Variants in PFKFB3 observed in about 807,000 individuals in gnomAD.
PFKFB3 encodes the protein 6-phosphofructo-2-kinase/fructose-2,6-bisphosphatase 3.
PFKFB3 carries 33 observed loss-of-function variants against 68.0 expected under a neutral mutation model. That is an observed-to-expected ratio of 0.49 (90% CI 0.37 to 0.65). PFKFB3 has a LOEUF of 0.65. Ranked by LOEUF, PFKFB3 falls within the 30% of genes least tolerant of loss-of-function variation. PFKFB3 has a pLI of 0.00. For synonymous variants in PFKFB3, 315 were observed against 288.2 expected, an observed-to-expected ratio of 1.09 and a Z score of -0.94; for missense variants, 586 against 712.2, an observed-to-expected ratio of 0.82 and a Z score of 2.02.
At chr10:6,300,523 T>C in the PFKFB3 span, among the ~76,000 whole-genome samples, 2 of 152,160 alleles carry the variant, frequency 1.3e-5, no homozygotes, top group Non-Finnish European at 2.9e-5. Flanking sequence ...CCTTGAAAAG[T>C]CAAAGCCAGC....
chr10:6,232,247 C>CG (rs1845794384), intron 14 of PFKFB3, among the ~76,000 whole-genome samples: 1 of 28,498 alleles, frequency 3.5e-5, no homozygotes, highest in Non-Finnish European at 6.4e-5. Flanking sequence ...TGTTTTTTTG[C>CG]GGGGGGTGGG....
intron 1 of PFKFB3, among the ~76,000 whole-genome samples, chr10:6,177,431 T>TTCC (rs1166118918): frequency 2.5e-5 from 1 of 40,754 alleles, no homozygotes; most frequent in African/African-American, 6.4e-5. Flanking sequence ...CTTCCTTTCT[T>TTCC]TTCTTTCTCT....
At chr10:6,170,867 TA>T (rs200650322) in intron 1 of PFKFB3, among the ~76,000 whole-genome samples, 1,653 of 147,658 alleles carry the variant, frequency 0.011, 70 homozygotes, top group East Asian at 0.1. Context: ...GATTAAAGGT[TA>T]AAAAAAAAAG....
downstream of PFKFB3, among the ~76,000 whole-genome samples, chr10:6,235,894 G>A (rs956611134): frequency 1.1e-4 from 16 of 151,650 alleles, no homozygotes; most frequent in Non-Finnish European, 1.8e-4. Flanking sequence ...AGCCTCCCTA[G>A]TAGCTGGGAT....
chr10:6,160,718 C>CA (rs538580465), intron 1 of PFKFB3, among the ~76,000 whole-genome samples: 49,591 of 78,244 alleles, frequency 0.63, 16,520 homozygotes, highest in Middle Eastern at 0.68. Flanking sequence ...GACTCTGTCT[C>CA]AAAAAAAAAA....
chr10:6,148,898 C>T (rs1436370029), intron 1 of PFKFB3, among the ~76,000 whole-genome samples: 4 of 151,810 alleles, frequency 2.6e-5, no homozygotes, highest in African/African-American at 4.8e-5. Context: ...GACAACATAG[C>T]GAGACCCTCT....
At chr10:6,286,129 C>T in the PFKFB3 span, among the ~76,000 whole-genome samples, 2 of 151,898 alleles carry the variant, frequency 1.3e-5, no homozygotes, top group Non-Finnish European at 2.9e-5. Context: ...AGGCACCCAC[C>T]ACCACGTCTG....
At chr10:6,274,824 A>G in the PFKFB3 span, among the ~76,000 whole-genome samples, 1 of 148,092 alleles carries the variant, frequency 6.8e-6, no homozygotes, top group African/African-American at 2.6e-5. Flanking sequence ...TGACAGAGCC[A>G]GACTCTGTCT....
At chr10:6,264,245 A>G in the PFKFB3 span, among the ~76,000 whole-genome samples, 1 of 152,244 alleles carries the variant, frequency 6.6e-6, no homozygotes, top group Non-Finnish European at 1.5e-5. Context: ...CCCTTAATGT[A>G]GCTTTAAAAT....
chr10:6,177,666 C>CA (rs1842569484), intron 1 of PFKFB3, among the ~76,000 whole-genome samples: 1 of 151,608 alleles, frequency 6.6e-6, no homozygotes, highest in Non-Finnish European at 1.5e-5. Context: ...GCTGGGATTA[C>CA]AGGTGCCCGC....
At chr10:6,239,476 G>A (rs1259352765), downstream of PFKFB3, among the ~76,000 whole-genome samples, 2 of 152,160 alleles carry the variant, frequency 1.3e-5, no homozygotes, top group Non-Finnish European at 2.9e-5. Context: ...TAGCAAGCAG[G>A]GTTTCCTGTC....
chr10:6,164,255 G>T (rs1279908075), intron 1 of PFKFB3, among the ~76,000 whole-genome samples: 1 of 152,188 alleles, frequency 6.6e-6, no homozygotes, highest in Non-Finnish European at 1.5e-5. Flanking sequence ...ACCGCTCCTA[G>T]CCCCCAGTGT....
At chr10:6,177,646 C>T (rs1842568845) in intron 1 of PFKFB3, among the ~76,000 whole-genome samples, 1 of 151,598 alleles carries the variant, frequency 6.6e-6, no homozygotes, top group African/African-American at 2.4e-5. Context: ...CTGCCTCAGC[C>T]TAACAAGTAG....
chr10:6,186,366 A>G (rs2131807943), intron 1 of PFKFB3, among the ~76,000 whole-genome samples: 1 of 152,196 alleles, frequency 6.6e-6, no homozygotes, highest in East Asian at 1.9e-4. Flanking sequence ...GATGGAATGG[A>G]AAATAACTTT....
chr10:6,158,894 A>G (rs1841888036), intron 1 of PFKFB3, among the ~76,000 whole-genome samples: 1 of 151,602 alleles, frequency 6.6e-6, no homozygotes, highest in East Asian at 2.0e-4. Context: ...AAATTCACCT[A>G]CTCGAAACCA....
At chr10:6,321,780 C>T in the PFKFB3 span, among the ~76,000 whole-genome samples, 1 of 152,180 alleles carries the variant, frequency 6.6e-6, no homozygotes, top group African/African-American at 2.4e-5. Flanking sequence ...AATTGCAAAC[C>T]TGACTGATGG....
chr10:6,246,784 C>A (rs769449404), intron 14 of PFKFB3, among the ~76,000 whole-genome samples: 1 of 152,054 alleles, frequency 6.6e-6, no homozygotes, highest in Non-Finnish European at 1.5e-5. Context: ...GAACTAAGTA[C>A]CCTTGATTCC....
chr10:6,228,290 G>T lies in PFKFB3; in HGVS notation c.1515+1925G>T. 6.4e-7 allele frequency: 1 copy of T among 1,556,168 alleles called. No homozygotes were observed. Among genetic ancestry groups the T allele is most frequent in the Non-Finnish European group, 8.9e-7 (1 of 1,128,954 alleles). ...TGCTTGCTCATTTGGCCTCCTGCCT[G>T]TTAAAATATTGAGGATGAGAGCAGT... is the stretch of plus-strand genomic sequence containing the variant. On this transcript the variant is annotated intron_variant, in intron 14 of 14. Coordinates refer to ENST00000379775, the MANE Select transcript of PFKFB3 (RefSeq NM_004566.4). This position sits in a 1 kb window ranked among gnomAD's most constrained non-coding sequence, Gnocchi z 4.5.
chr10:6,200,816 C>A (rs1038907778), upstream of PFKFB3, among the ~76,000 whole-genome samples: 1 of 152,136 alleles, frequency 6.6e-6, no homozygotes, highest in Non-Finnish European at 1.5e-5. Flanking sequence ...AGTGCCCGGT[C>A]TGCGAAAGTT....
Sources: allele counts gnomAD v4.1 joint callset (sites outside exome capture counted in the v4.1 genomes callset), GRCh38; gene constraint gnomAD v4.1.1; non-coding constraint Gnocchi (gnomAD v3.1); transcripts MANE v1.5; gene names NCBI Gene and HGNC (gene_info 2026-07-23, HGNC 2026-07-21).